ADGRB3: variants seen among roughly 807,000 people sequenced by gnomAD.
ADGRB3 encodes brain-specific angiogenesis inhibitor 3.
A neutral mutation model predicts 193.4 loss-of-function variants in ADGRB3; 37 were observed. That is an observed-to-expected ratio of 0.19 (90% CI 0.15 to 0.25). The LOEUF is 0.25. Among genes scored for constraint, ADGRB3 ranks in the 10% least tolerant of loss-of-function variants. ADGRB3 has a pLI of 1.00. For synonymous variants in ADGRB3, 690 were observed against 644.2 expected (o/e 1.07, Z -1.08); for missense variants, 1,637 against 1,852.9 (o/e 0.88, Z 2.14).
intron 3 of ADGRB3, among the ~76,000 whole-genome samples, chr6:68,650,901 G>T (rs1181304793): frequency 7.9e-5 from 12 of 152,048 alleles, no homozygotes; most frequent in Admixed American, 7.9e-4. Context: ...ACAGCTTTAT[G>T]ATTTTTTTTG....
chr6:68,970,516 CA>C (rs1768528338), intron 8 of ADGRB3, among the ~76,000 whole-genome samples: 1 of 152,090 alleles, frequency 6.6e-6, no homozygotes, highest in Non-Finnish European at 1.5e-5. Context: ...GGGGTTTCAT[CA>C]GGCTGGTCTT....
chr6:68,988,277 T>C (rs1769136007), intron 10 of ADGRB3, among the ~76,000 whole-genome samples: 1 of 151,948 alleles, frequency 6.6e-6, no homozygotes, highest in Non-Finnish European at 1.5e-5. Flanking sequence ...AGCCTGAAAA[T>C]AGAGATCATA....
chr6:68,970,062 G>T (rs1167850094), intron 8 of ADGRB3, among the ~76,000 whole-genome samples: 1 of 152,004 alleles, frequency 6.6e-6, no homozygotes, highest in African/African-American at 2.4e-5. Flanking sequence ...TGCACAAATT[G>T]TTTCCTCTGC....
intron 20 of ADGRB3, among the ~76,000 whole-genome samples, chr6:69,303,916 C>T (rs1174531858): frequency 1.3e-5 from 2 of 151,836 alleles, no homozygotes; most frequent in African/African-American, 4.8e-5. Flanking sequence ...AGATATTTTC[C>T]TTGACCACAG....
rs926825213 is a variant in ADGRB3, at chr6:68,936,637, A to G, written c.987A>G (p.Pro329=). The G allele has an allele frequency of 6.2e-7, 1 of 1,613,812 alleles. No individual in the cohort carries two copies. The change falls in exon 5 of 32, where the codon CCA becomes CCG. Residue 329 remains proline, a synonymous_variant. Transcript: ENST00000370598. ...VSPYGTHCSG[P]LRESRVCNNT... ...CTTACGGGACACACTGCAGCGGCCC[A>G]TTAAGAGAATCAAGGGTTTGCAATA...
rs771400132 is a variant in ADGRB3 at position 68,930,533 on chromosome 6, T to C, written c.758-26T>C. ...TGTGAGAAATGTCTACACACAAGCT[T>C]TCATATACCTTTATTCTGTCTTTAG... On this transcript the variant is annotated intron_variant, in intron 3 of 31. Transcript: ENST00000370598. The C allele has an allele frequency of 7.2e-6, 11 of 1,523,428 alleles. No homozygotes were observed. In the African/African-American group the frequency reaches 1.5e-4, roughly 21 times the overall value. The allele number at this position is 1,523,428 out of a possible 1,614,324, so 94.4% of individuals were successfully genotyped here. A position where few individuals can be genotyped will look rare whatever the true frequency, so the allele number is the denominator to read the frequency against.
rs145529181 is a variant in ADGRB3 at position 69,193,501 on chromosome 6, G to A, written c.2481-39789G>A. 4.7e-4 allele frequency among the ~76,000 whole-genome samples: 72 copies of A among 152,154 alleles called. 1 individual carries two copies. The highest frequency in any genetic ancestry group is 1.6e-3 in the African/African-American group (68 of 41,514). ...GTTACCTCAATCTCATAGGAAATGA[G>A]GAAGGCAGTGGCACAAGCTAAAGAC... On this transcript the variant is annotated intron_variant, in intron 17 of 31. Transcript: ENST00000370598.
chr6:69,165,339 T>C (rs1044273313), intron 17 of ADGRB3, among the ~76,000 whole-genome samples: 2 of 152,048 alleles, frequency 1.3e-5, no homozygotes, highest in African/African-American at 2.4e-5. Flanking sequence ...CCAAAATATG[T>C]AGGACACAAG....
chr6:68,749,033 A>T (rs1282030636), intron 3 of ADGRB3, among the ~76,000 whole-genome samples: 1 of 152,144 alleles, frequency 6.6e-6, no homozygotes, highest in Non-Finnish European at 1.5e-5. Flanking sequence ...ACACAGGGCA[A>T]CATGTCCCCA....
At chr6:68,867,613 G>A (rs932535167) in intron 3 of ADGRB3, among the ~76,000 whole-genome samples, 2 of 152,110 alleles carry the variant, frequency 1.3e-5, no homozygotes, top group Non-Finnish European at 2.9e-5. Context: ...AGTTTGTACT[G>A]TGCTCCTGGA....
At chr6:68,757,805 C>T (rs778195762) in intron 3 of ADGRB3, among the ~76,000 whole-genome samples, 5 of 152,086 alleles carry the variant, frequency 3.3e-5, no homozygotes, top group Non-Finnish European at 4.4e-5. Flanking sequence ...ACCAATGTTT[C>T]AGCCCCTTGC....
At chr6:69,157,388 A>G (rs1488532896) in intron 17 of ADGRB3, among the ~76,000 whole-genome samples, 11 of 152,230 alleles carry the variant, frequency 7.2e-5, no homozygotes, top group Non-Finnish European at 1.5e-5. Context: ...AGTGGAAAAG[A>G]TGAAGGTTGT....
At chr6:68,975,369 C>T in intron 10 of ADGRB3, 29 bp downstream of exon 10, 1 of 1,545,740 alleles carries the variant, frequency 6.5e-7, no homozygotes, top group Non-Finnish European at 8.9e-7. Context: ...TTAGTACTTG[C>T]TCTGTTTATT....
intron 17 of ADGRB3, among the ~76,000 whole-genome samples, chr6:69,109,567 A>G (rs892732966): frequency 1.3e-5 from 2 of 152,210 alleles, no homozygotes; most frequent in Admixed American, 6.5e-5. Flanking sequence ...CAGTAACCCT[A>G]TTTTACAAAT....
intron 3 of ADGRB3, among the ~76,000 whole-genome samples, chr6:68,832,922 T>C (rs1281173031): frequency 1.3e-5 from 2 of 152,176 alleles, no homozygotes; most frequent in Non-Finnish European, 2.9e-5. Context: ...CCTGGAAATC[T>C]GAAATTTCTG....
At chr6:68,988,964 A>C (rs959873405) in intron 10 of ADGRB3, among the ~76,000 whole-genome samples, 2 of 152,196 alleles carry the variant, frequency 1.3e-5, no homozygotes, top group Non-Finnish European at 2.9e-5. Flanking sequence ...ATTAACATCA[A>C]AAGTTGCATA....
At chr6:68,790,526 G>T (rs1767081388) in intron 3 of ADGRB3, among the ~76,000 whole-genome samples, 1 of 152,122 alleles carries the variant, frequency 6.6e-6, no homozygotes, top group Non-Finnish European at 1.5e-5. Flanking sequence ...AGCCTAACTG[G>T]GAGGCACCCC....
At chr6:68,638,177 G>T (rs1337996325) in intron 2 of ADGRB3, among the ~76,000 whole-genome samples, 1 of 152,232 alleles carries the variant, frequency 6.6e-6, no homozygotes, top group Non-Finnish European at 1.5e-5. Flanking sequence ...TAAGAGGAGA[G>T]AAATAATGTG....
At chr6:69,234,949 A>C in intron 18 of ADGRB3, 83 bp from the exon 19 acceptor site, 1 of 1,059,140 alleles carries the variant, frequency 9.4e-7, no homozygotes, top group East Asian at 2.4e-5. Context: ...TTTTTGAGTG[A>C]TAGGTTAGCT....
Sources: gnomAD v4.1 joint callset for allele counts (sites outside exome capture counted in the v4.1 genomes callset) on GRCh38, gnomAD v4.1.1 for gene constraint, MANE v1.5 for transcripts, NCBI Gene and HGNC (gene_info 2026-07-23, HGNC 2026-07-21) for gene names.